Variants in PPP1R1C observed in about 807,000 individuals in gnomAD.
The protein encoded by PPP1R1C is protein phosphatase 1 regulatory inhibitor subunit 1C.
Under a neutral mutation model 17.4 loss-of-function variants are expected in PPP1R1C, and 15 were observed. The observed-to-expected ratio is 0.86, with a 90% confidence interval of 0.58 to 1.33. The LOEUF (loss-of-function observed/expected upper bound fraction) is 1.33. Ranked by LOEUF, PPP1R1C falls within the 40% of genes most tolerant of loss-of-function variation. PPP1R1C has a pLI of 0.00. For synonymous variants in PPP1R1C, 35 were observed against 43.1 expected (o/e 0.81, Z 0.73); for missense variants, 143 against 130.0 (o/e 1.10, Z -0.48).
chr2:182,044,031 C>G (rs1304894060), intron 2 of PPP1R1C, among the ~76,000 whole-genome samples: 2 of 152,182 alleles, frequency 1.3e-5, no homozygotes, highest in African/African-American at 4.8e-5. Flanking sequence ...CCTGTTCCCC[C>G]ACCCTCACCT....
chr2:181,989,305 C>A (rs1335989268), intron 2 of PPP1R1C, among the ~76,000 whole-genome samples: 1 of 152,122 alleles, frequency 6.6e-6, no homozygotes, highest in Non-Finnish European at 1.5e-5. Flanking sequence ...TTTGAACTCC[C>A]AAAATAGCAG....
rs543032086 is a variant in PPP1R1C, at chr2:182,035,478, T to C, written c.143-25964T>C. Among the ~76,000 whole-genome samples the C allele has an allele frequency of 1.7e-3, 262 of 152,332 alleles. 2 individuals carry two copies. Among genetic ancestry groups the C allele is most frequent in the African/African-American group, 5.9e-3 (244 of 41,584 alleles). ...TTCTTGGCATTTGATATAGTTTGTC[T>C]CTGTGTCCCCACCCAAATCTCATGT... On this transcript the variant is annotated intron_variant, in intron 2 of 4. Transcript: ENST00000682840.
At chr2:182,100,049 C>T (rs755121024) in intron 4 of PPP1R1C, among the ~76,000 whole-genome samples, 2 of 152,112 alleles carry the variant, frequency 1.3e-5, no homozygotes, top group Non-Finnish European at 2.9e-5. Context: ...AATGTTTAGA[C>T]GTAACTTGAA....
chr2:182,069,025 G>A (rs1449446302), intron 4 of PPP1R1C, among the ~76,000 whole-genome samples: 1 of 152,132 alleles, frequency 6.6e-6, no homozygotes, highest in East Asian at 1.9e-4. Context: ...GGAAGAGAAG[G>A]CAGCAAGATC....
At chr2:182,103,348 A>G (rs1247512836) in intron 4 of PPP1R1C, among the ~76,000 whole-genome samples, 1 of 152,244 alleles carries the variant, frequency 6.6e-6, no homozygotes, top group Non-Finnish European at 1.5e-5. Context: ...GCTAGTCCTT[A>G]TAAAAGTTGA....
At chr2:182,072,201 T>C (rs575411746) in intron 4 of PPP1R1C, among the ~76,000 whole-genome samples, 2 of 152,328 alleles carry the variant, frequency 1.3e-5, no homozygotes, top group Non-Finnish European at 2.9e-5. Flanking sequence ...TCCTCATTAC[T>C]AGAATAGGCA....
intron 4 of PPP1R1C, among the ~76,000 whole-genome samples, chr2:182,074,132 C>A (rs1268390284): frequency 1.3e-5 from 2 of 151,164 alleles, no homozygotes. Flanking sequence ...AGCTCTGCCT[C>A]CCGGGTTCAC....
Position 181,961,754 on chromosome 2 carries a change from G to C in PPP1R1C, n.111+7120G>C, listed in dbSNP as rs1684798920. The stretch of plus-strand genomic sequence containing the variant: ...TCTGCTATGATCTTGGCAAGGTCCT[G>C]AGATTTGGGGGCATCTACCTCCACG... On this transcript the variant is annotated intron_variant and non_coding_transcript_variant, in intron 1 of 5. Coordinates refer to the PPP1R1C transcript ENST00000464264. This position sits in a 1 kb window ranked among gnomAD's most constrained non-coding sequence, Gnocchi z 5.8. 1.7e-6 allele frequency: 2 copies of C among 1,196,672 alleles called. No homozygotes were observed. Among genetic ancestry groups the C allele is most frequent in the African/African-American group, 1.5e-5 (1 of 67,194 alleles). 74.1% of individuals were successfully genotyped at this position (1,196,672 alleles called of 1,614,324 possible).
chr2:181,962,807 C>A lies in PPP1R1C; in HGVS notation n.111+8173C>A, dbSNP rs1051902663. Among the ~76,000 whole-genome samples the A allele has an allele frequency of 1.3e-5, 2 of 152,028 alleles. No individual in the cohort carries two copies. Among genetic ancestry groups the A allele is most frequent in the East Asian group, 1.9e-4 (1 of 5,190 alleles). ...TGGCTGGAGATAAAGGAAAGCGGAG[C>A]CTGAGCTAACCAGGGACCTTCACAT... On this transcript the variant is annotated intron_variant and non_coding_transcript_variant, in intron 1 of 5. Coordinates refer to the PPP1R1C transcript ENST00000464264. This position sits in a 1 kb window ranked among gnomAD's most constrained non-coding sequence, Gnocchi z 6.0.
intron 2 of PPP1R1C, among the ~76,000 whole-genome samples, chr2:182,049,483 G>C (rs534344335): frequency 2.0e-4 from 30 of 152,088 alleles, no homozygotes; most frequent in African/African-American, 7.2e-4. Flanking sequence ...AATATACTAA[G>C]GTTTTGAATA....
chr2:182,095,943 C>T (rs1235326866), intron 4 of PPP1R1C, among the ~76,000 whole-genome samples: 2 of 151,504 alleles, frequency 1.3e-5, no homozygotes, highest in Non-Finnish European at 2.9e-5. Flanking sequence ...CCACTGCACT[C>T]CAGCCTGGGC....
chr2:181,972,127 A>G (rs944685986), intron 1 of PPP1R1C, among the ~76,000 whole-genome samples: 15 of 152,202 alleles, frequency 9.9e-5, no homozygotes, highest in East Asian at 1.9e-4. Context: ...ATTGGTAGAG[A>G]CTTTTATTTG....
intron 2 of PPP1R1C, among the ~76,000 whole-genome samples, chr2:181,991,268 A>G (rs1392225814): frequency 6.6e-6 from 1 of 152,208 alleles, no homozygotes; most frequent in Non-Finnish European, 1.5e-5. Context: ...TAGTTCATCT[A>G]TGCTGGTCTA....
Position 181,967,022 on chromosome 2 carries a change from A to T in PPP1R1C, n.112-8197A>T, listed in dbSNP as rs1406557681. On this transcript the variant is annotated intron_variant and non_coding_transcript_variant, in intron 1 of 5. Transcript: ENST00000464264. This position sits in a 1 kb window ranked among gnomAD's most constrained non-coding sequence, Gnocchi z 5.5. ...GTCTTTTCAGGTTTTAAACTTCTTC[A>T]GTCTTGGTAGGTTGTAGGTGTCTAG... 1.3e-5 allele frequency among the ~76,000 whole-genome samples: 2 copies of T among 151,864 alleles called. No homozygotes were observed. Among genetic ancestry groups the T allele is most frequent in the African/African-American group, 4.8e-5 (2 of 41,352 alleles).
downstream of PPP1R1C, among the ~76,000 whole-genome samples, chr2:182,122,306 A>T (rs192191317): frequency 1.3e-5 from 2 of 152,322 alleles, no homozygotes; most frequent in East Asian, 3.9e-4. Context: ...ATGGAGAACA[A>T]CATAATTTTA....
At chr2:181,979,193 A>G (rs1685149444) in intron 2 of PPP1R1C, among the ~76,000 whole-genome samples, 1 of 152,116 alleles carries the variant, frequency 6.6e-6, no homozygotes, top group African/African-American at 2.4e-5. Flanking sequence ...ATTGATTTTT[A>G]TTGTTGTTCT....
chr2:182,109,078 T>C (rs182079613), intron 4 of PPP1R1C, among the ~76,000 whole-genome samples: 11 of 152,348 alleles, frequency 7.2e-5, no homozygotes, highest in Admixed American at 6.5e-4. Flanking sequence ...CTCATTGTTT[T>C]AATTTGCAGT....
At chr2:182,049,351 AT>A (rs1388068161) in intron 2 of PPP1R1C, among the ~76,000 whole-genome samples, 5 of 151,078 alleles carry the variant, frequency 3.3e-5, no homozygotes, top group African/African-American at 1.2e-4. Context: ...AAAAAAAAAA[AT>A]CTCTCTAGGG....
intron 2 of PPP1R1C, among the ~76,000 whole-genome samples, chr2:182,000,001 C>T (rs1318844305): frequency 6.6e-6 from 1 of 152,154 alleles, no homozygotes; most frequent in African/African-American, 2.4e-5. Flanking sequence ...ATACAGTCAT[C>T]TTCCCTTCCC....
Sources: allele counts gnomAD v4.1 joint callset (sites outside exome capture counted in the v4.1 genomes callset), GRCh38; gene constraint gnomAD v4.1.1; non-coding constraint Gnocchi (gnomAD v3.1); transcripts MANE v1.5; gene names NCBI Gene and HGNC (gene_info 2026-07-23, HGNC 2026-07-21).